The following WDFY4 variants were observed in gnomAD, a reference collection of about 807,000 sequenced individuals.
The protein encoded by WDFY4 is WD repeat- and FYVE domain-containing protein 4.
WDFY4 carries 169 observed loss-of-function variants against 351.9 expected under a neutral mutation model. The ratio of observed to expected loss-of-function variants is 0.48; its 90% CI spans 0.42 to 0.55. The LOEUF (loss-of-function observed/expected upper bound fraction) is 0.55. Ranked by LOEUF, WDFY4 falls within the 20% of genes least tolerant of loss-of-function variation. WDFY4 has a pLI of 0.00. For synonymous variants in WDFY4, 1,622 were observed against 1,574.6 expected (o/e 1.03, Z -0.71); for missense variants, 3,803 against 3,935.6 (o/e 0.97, Z 0.90).
At chr10:48,855,593 T>C (rs914858231) in intron 39 of WDFY4, among the ~76,000 whole-genome samples, 15 of 152,144 alleles carry the variant, frequency 9.9e-5, no homozygotes, top group African/African-American at 3.6e-4. Context: ...ATGTATATTT[T>C]ATCTATTCAT....
intron 47 of WDFY4, among the ~76,000 whole-genome samples, chr10:48,924,839 G>C (rs1839434280): frequency 6.6e-6 from 1 of 152,154 alleles, no homozygotes; most frequent in Non-Finnish European, 1.5e-5. Flanking sequence ...GAATTTGTCT[G>C]GTGCTTCACA....
chr10:48,697,532 C>T (rs1020930368), intron 1 of WDFY4, among the ~76,000 whole-genome samples: 8 of 152,224 alleles, frequency 5.3e-5, no homozygotes, highest in Non-Finnish European at 1.0e-4. Context: ...GCTCACCAGG[C>T]ATCTGATGTG....
At chr10:48,721,177 T>C (rs1565127481) in intron 3 of WDFY4, 84 bp from the exon 4 acceptor site, 1 of 1,320,528 alleles carries the variant, frequency 7.6e-7, no homozygotes, top group Non-Finnish European at 1.1e-6. Context: ...CTCAGGCACA[T>C]CTCCTGGGAA....
intron 21 of WDFY4, 97 bp from the exon 22 acceptor site, chr10:48,789,777 G>A (rs990394451): frequency 9.1e-7 from 1 of 1,104,810 alleles, no homozygotes; most frequent in Non-Finnish European, 1.3e-6. Context: ...TGTCAGCACT[G>A]GGCCAGGCCC....
chr10:48,883,790 G>A (rs2070351625), intron 43 of WDFY4, among the ~76,000 whole-genome samples: 1 of 152,214 alleles, frequency 6.6e-6, no homozygotes, highest in African/African-American at 2.4e-5. Context: ...GTGGTGCCGG[G>A]GCTAGGGTGG....
intron 11 of WDFY4, among the ~76,000 whole-genome samples, chr10:48,737,053 C>A (rs755130051): frequency 1.3e-5 from 2 of 152,176 alleles, no homozygotes; most frequent in African/African-American, 2.4e-5. Flanking sequence ...TGTTGCTGTT[C>A]CTTTTTTACA....
chr10:48,928,398 T>TGTGTGTGTGTG (rs1839766024), intron 47 of WDFY4, among the ~76,000 whole-genome samples: 15 of 56,012 alleles, frequency 2.7e-4, no homozygotes, highest in Admixed American at 6.7e-4. Context: ...GTGTGTGTGT[T>TGTGTGTGTGTG]GGTGGGGGTT....
intron 1 of WDFY4, among the ~76,000 whole-genome samples, chr10:48,695,759 T>C (rs1176386018): frequency 3.9e-5 from 6 of 152,070 alleles, no homozygotes; most frequent in Admixed American, 3.9e-4. Context: ...ACTCAGGTCT[T>C]TGTCCCCATC....
chr10:48,828,099 C>G (rs537893016), intron 36 of WDFY4, among the ~76,000 whole-genome samples: 4 of 152,286 alleles, frequency 2.6e-5, no homozygotes, highest in South Asian at 4.1e-4. Context: ...TTGTCATTTT[C>G]AGTTCAATCC....
At chr10:48,843,862 T>G (rs2068686925) in intron 39 of WDFY4, among the ~76,000 whole-genome samples, 1 of 152,162 alleles carries the variant, frequency 6.6e-6, no homozygotes, top group Middle Eastern at 3.2e-3. Flanking sequence ...GGAAACACAT[T>G]TTTGTGTATT....
chr10:48,727,240 AG>A (rs2064300094), intron 6 of WDFY4, among the ~76,000 whole-genome samples: 1 of 152,174 alleles, frequency 6.6e-6, no homozygotes, highest in African/African-American at 2.4e-5. Flanking sequence ...CAGAGGGCTG[AG>A]GGGCTGCCTT....
In WDFY4 at chr10:48,826,999, G is replaced by A. The variant is rs1438775843; in HGVS notation, c.6221+90G>A. ...AAAGCTTGATTGAGGACTGAGTTCT[G>A]TATAAATGATATCATCCTTTTGTTT... On this transcript the variant is annotated intron_variant, in intron 36 of 61. Coordinates refer to ENST00000325239, the MANE Select transcript of WDFY4 (RefSeq NM_001394531.1). 6 of 1,045,962 alleles carry A rather than the reference G, an allele frequency of 5.7e-6. No individual in the cohort carries two copies. The East Asian group carries it at 1.0e-4, about 18-fold the overall frequency. The allele number at this position is 1,045,962 out of a possible 1,614,324, so 64.8% of individuals were successfully genotyped here.
intron 20 of WDFY4, among the ~76,000 whole-genome samples, chr10:48,787,337 A>G (rs2066437599): frequency 6.6e-6 from 1 of 152,228 alleles, no homozygotes; most frequent in Non-Finnish European, 1.5e-5. Context: ...AAATGAATCT[A>G]TGTCAGCAGC....
chr10:48,970,432 C>G lies in WDFY4; in HGVS notation c.8928+143C>G, dbSNP rs555882022. ...TGCTCACTGAGGGCCCTGCCACCCT[C>G]AGAAGCTAGGAATGAGCGAAGTGAG... On this transcript the variant is annotated intron_variant, in intron 57 of 61. Transcript: ENST00000325239. 1.1e-4 allele frequency: 128 copies of G among 1,209,688 alleles called. No homozygotes were observed. The African/African-American group carries it at 1.8e-3, about 17-fold the overall frequency. The allele number at this position is 1,209,688 out of a possible 1,614,324, so 74.9% of individuals were successfully genotyped here.
At chr10:48,893,770 A>G (rs1432801707) in intron 44 of WDFY4, among the ~76,000 whole-genome samples, 1 of 152,344 alleles carries the variant, frequency 6.6e-6, no homozygotes, top group East Asian at 1.9e-4. Context: ...ATCCACTTCT[A>G]CTATCAAAGA....
In WDFY4 at chr10:48,817,416, C is replaced by T. The variant is rs1463069676; in HGVS notation, c.5505+7C>T. The T allele has an allele frequency of 6.5e-7, 1 of 1,547,612 alleles. No homozygotes were observed. The highest frequency in any genetic ancestry group is 1.4e-5 in the African/African-American group (1 of 73,150). On this transcript the variant is annotated splice_region_variant and intron_variant, in intron 32 of 61. Coordinates refer to ENST00000325239, the MANE Select transcript of WDFY4 (RefSeq NM_001394531.1). ...CCCCCTGGGAGCCCAAAAGGTAGGA[C>T]ATGCTGCTGTCCCACCCAGAGAGAG...
intron 43 of WDFY4, among the ~76,000 whole-genome samples, chr10:48,877,536 A>G (rs2070069436): frequency 6.6e-6 from 1 of 152,256 alleles, no homozygotes; most frequent in Admixed American, 6.5e-5. Flanking sequence ...CTGGCAGTTC[A>G]GCATCTTGGC....
chr10:48,899,789 T>G (rs1837265158), intron 45 of WDFY4, among the ~76,000 whole-genome samples: 1 of 152,210 alleles, frequency 6.6e-6, no homozygotes, highest in South Asian at 2.1e-4. Context: ...CAGGGGACCC[T>G]GTGCTGCTTA....
intron 47 of WDFY4, among the ~76,000 whole-genome samples, chr10:48,940,570 C>A (rs930036590): frequency 6.6e-6 from 1 of 152,170 alleles, no homozygotes; most frequent in African/African-American, 2.4e-5. Context: ...ACAGACCATG[C>A]AGGTGGAGCA....
Sources: gnomAD v4.1 joint callset for allele counts (sites outside exome capture counted in the v4.1 genomes callset) on GRCh38, gnomAD v4.1.1 for gene constraint, MANE v1.5 for transcripts, NCBI Gene and HGNC (gene_info 2026-07-23, HGNC 2026-07-21) for gene names.